The following MECOM variants were observed in gnomAD, a reference collection of about 807,000 sequenced individuals.
The protein encoded by MECOM is MDS1 and EVI1 complex locus, also known as histone-lysine N-methyltransferase MECOM.
In MECOM, 13 loss-of-function variants were observed where a neutral mutation model predicts 116.3. The ratio of observed to expected loss-of-function variants is 0.11; its 90% confidence interval spans 0.07 to 0.18. The LOEUF (loss-of-function observed/expected upper bound fraction) is 0.18. Among genes scored for constraint, MECOM ranks in the 10% least tolerant of loss-of-function variants. MECOM has a pLI of 1.00. For missense variants in MECOM, 1,299 were observed against 1,509.0 expected (o/e 0.86, Z 2.31); for synonymous variants, 528 against 535.2 (o/e 0.99, Z 0.19).
chr3:169,226,364 A>G (rs1752727425), intron 2 of MECOM, among the ~76,000 whole-genome samples: 1 of 152,234 alleles, frequency 6.6e-6, no homozygotes, highest in Non-Finnish European at 1.5e-5. Context: ...TAACTATTAT[A>G]GAGATGAATA....
intron 2 of MECOM, among the ~76,000 whole-genome samples, chr3:169,204,713 C>T (rs1369185324): frequency 1.3e-5 from 2 of 152,112 alleles, no homozygotes; most frequent in Non-Finnish European, 2.9e-5. Context: ...TGGCCTAAGA[C>T]ATTTTTATAC....
chr3:169,097,817 T>TAAAAAAAAAAAAAAAAAAAAAAAAAAAAA (rs539873617), intron 12 of MECOM, among the ~76,000 whole-genome samples: 1 of 87,194 alleles, frequency 1.1e-5, no homozygotes. Context: ...ACTGTCTATA[T>TAAAAAAAAAAAAAAAAAAAAAAAAAAAAA]AAAAAAAAAA....
intron 1 of MECOM, among the ~76,000 whole-genome samples, chr3:169,423,507 C>G (rs777916801): frequency 6.6e-6 from 1 of 152,030 alleles, no homozygotes; most frequent in Non-Finnish European, 1.5e-5. Flanking sequence ...GATATTTAAC[C>G]TCAGTGAACA....
chr3:169,562,196 A>AGAAACAAT (rs1762741099), intron 1 of MECOM, among the ~76,000 whole-genome samples: 1 of 151,266 alleles, frequency 6.6e-6, no homozygotes, highest in Admixed American at 6.6e-5. Flanking sequence ...AGATAGAAAA[A>AGAAACAAT]GAAACAATGA....
intron 2 of MECOM, among the ~76,000 whole-genome samples, chr3:169,259,583 G>C (rs1242155600): frequency 6.6e-6 from 1 of 151,918 alleles, no homozygotes; most frequent in Non-Finnish European, 1.5e-5. Flanking sequence ...AAAAAATTTT[G>C]CCTGACACAG....
chr3:169,272,122 C>T (rs11915511), intron 2 of MECOM, among the ~76,000 whole-genome samples: 18,220 of 152,186 alleles, frequency 0.12, 3,059 homozygotes, highest in African/African-American at 0.37. Flanking sequence ...CATTGATCTT[C>T]GCTTATTTTA....
intron 1 of MECOM, among the ~76,000 whole-genome samples, chr3:169,472,444 G>T (rs1033654689): frequency 2.8e-4 from 38 of 134,472 alleles, no homozygotes; most frequent in African/African-American, 9.3e-4. Flanking sequence ...GGAGAGGAGA[G>T]AAAAGGAAAG....
chr3:169,393,294 C>T (rs1734520278), intron 1 of MECOM, among the ~76,000 whole-genome samples: 3 of 152,260 alleles, frequency 2.0e-5, no homozygotes, highest in South Asian at 2.1e-4. Context: ...GGCATGGCAC[C>T]AATCTGGAGT....
chr3:169,559,023 A>G (rs1000264020), intron 1 of MECOM, among the ~76,000 whole-genome samples: 3 of 151,150 alleles, frequency 2.0e-5, no homozygotes, highest in African/African-American at 7.3e-5. Flanking sequence ...ATCTACACAC[A>G]CACACACTAT....
intron 2 of MECOM, among the ~76,000 whole-genome samples, chr3:169,231,539 T>C (rs73032750): frequency 5.9e-4 from 90 of 152,174 alleles, no homozygotes; most frequent in African/African-American, 2.1e-3. Flanking sequence ...CAGACAGCTA[T>C]AGTCAGCTGT....
In MECOM at chr3:169,116,439, C is replaced by T; in HGVS notation, c.1433G>A (p.Gly478Asp). 1.2e-6 allele frequency: 2 copies of T among 1,614,136 alleles called. No homozygotes were observed. The highest frequency in any genetic ancestry group is 1.7e-6 in the Non-Finnish European group (2 of 1,180,036). ...DYFGANRHPA[G>D]LTFPTAPGFS... ...TCCAGGAGCTGTTGGAAAGGTAAGACCAGCAGGATGCCTATTGGCGCCAAA... is the reference window on the plus strand; with the variant it reads ...TCCAGGAGCTGTTGGAAAGGTAAGATCAGCAGGATGCCTATTGGCGCCAAA... Residue 478 changes from glycine to aspartate, a missense_variant, in exon 8 of 17, where the codon GGT (glycine) becomes GAT (aspartate). Gly to Asp is a moderately conservative substitution (Grantham distance 94). This residue lies in a region of MECOM where 238 missense variants were observed against 273.1 expected (regional missense o/e 0.87). Coordinates refer to ENST00000651503, the MANE Select transcript of MECOM (RefSeq NM_004991.4).
At chr3:169,638,292 T>C (rs1773057826) in intron 1 of MECOM, among the ~76,000 whole-genome samples, 1 of 152,178 alleles carries the variant, frequency 6.6e-6, no homozygotes, top group Non-Finnish European at 1.5e-5. Flanking sequence ...CACTGTCTTG[T>C]TCCCCAAGAC....
At chr3:169,606,883 C>T (rs1043826906) in intron 1 of MECOM, among the ~76,000 whole-genome samples, 2 of 152,148 alleles carry the variant, frequency 1.3e-5, no homozygotes, top group African/African-American at 4.8e-5. Flanking sequence ...TTCTATTGAA[C>T]AGAATCCTAA....
At chr3:169,169,183 C>G (rs1375467842) in intron 2 of MECOM, among the ~76,000 whole-genome samples, 2 of 152,028 alleles carry the variant, frequency 1.3e-5, no homozygotes, top group Non-Finnish European at 2.9e-5. Context: ...AATTTGTTTT[C>G]TACGTTATCA....
rs540826323 is a variant in MECOM, at chr3:169,566,947, T to C, written c.37+96389A>G. On this transcript the variant is annotated intron_variant, in intron 1 of 16. Coordinates refer to ENST00000651503, the MANE Select transcript of MECOM (RefSeq NM_004991.4). ...CATTACAAACTGACTTTCCTTCTCA[T>C]TGTGGCCTGGACCAGAATCAGCCAA... 3.9e-5 allele frequency among the ~76,000 whole-genome samples: 6 copies of C among 152,382 alleles called. No homozygotes were observed. The East Asian group carries it at 5.8e-4, about 15-fold the overall frequency.
At chr3:169,178,697 C>T (rs1321416664) in intron 2 of MECOM, among the ~76,000 whole-genome samples, 1 of 152,132 alleles carries the variant, frequency 6.6e-6, no homozygotes, top group African/African-American at 2.4e-5. Flanking sequence ...AATATAAATT[C>T]TTCAGTTCTT....
chr3:169,269,569 A>T (rs944923282), intron 2 of MECOM, among the ~76,000 whole-genome samples: 3 of 152,194 alleles, frequency 2.0e-5, no homozygotes, highest in African/African-American at 4.8e-5. Flanking sequence ...CATGGCAGAA[A>T]ATGCAACTGG....
At chr3:169,273,013 G>C (rs977504879) in intron 2 of MECOM, among the ~76,000 whole-genome samples, 2 of 152,070 alleles carry the variant, frequency 1.3e-5, no homozygotes, top group Non-Finnish European at 2.9e-5. Flanking sequence ...CCTGCTTGAA[G>C]CATCTACCTC....
intron 1 of MECOM, among the ~76,000 whole-genome samples, chr3:169,563,092 A>G (rs1762844795): frequency 6.6e-6 from 1 of 151,572 alleles, no homozygotes; most frequent in Non-Finnish European, 1.5e-5. Flanking sequence ...AAATGCTGAT[A>G]AGGAAGAAGA....
Sources: gnomAD v4.1 joint callset for allele counts (sites outside exome capture counted in the v4.1 genomes callset) on GRCh38, gnomAD v4.1.1 for gene constraint, gnomAD v4.1.1 regional missense constraint, MANE v1.5 for transcripts, NCBI Gene and HGNC (gene_info 2026-07-23, HGNC 2026-07-21) for gene names.